Variants in PIK3C2A observed in about 807,000 individuals in gnomAD.
PIK3C2A encodes phosphatidylinositol 4-phosphate 3-kinase C2 domain-containing subunit alpha.
PIK3C2A carries 97 observed loss-of-function variants against 204.5 expected under a neutral mutation model. The ratio of observed to expected loss-of-function variants is 0.47; its 90% confidence interval spans 0.40 to 0.56. PIK3C2A has a LOEUF of 0.56. Among genes scored for constraint, PIK3C2A ranks in the 20% least tolerant of loss-of-function variants. The pLI is 0.00. For missense variants in PIK3C2A, 1,735 were observed against 1,969.2 expected, an observed-to-expected ratio of 0.88 and a Z score of 2.25; for synonymous variants, 653 against 664.4, an observed-to-expected ratio of 0.98 and a Z score of 0.26.
chr11:17,135,675 ATATGTGTGTGTG>A (rs1197316119), intron 9 of PIK3C2A, among the ~76,000 whole-genome samples: 26 of 87,968 alleles, frequency 3.0e-4, no homozygotes, highest in African/African-American at 1.0e-3. Flanking sequence ...GTAATTTCAT[ATATGTGTGTGTG>A]TGTGTGTGTG....
At position 17,123,009 on chromosome 11, in the gene PIK3C2A, G is replaced by C. The variant is rs577662682; in HGVS notation, c.2400-196C>G. ...TGTAGGGTAAATGTATTGAAATGTA[G>C]GGTGGGAACAAAGAGAGGGAGAATT... On this transcript the variant is annotated intron_variant, in intron 13 of 32. Transcript: ENST00000691414. 2.6e-5 allele frequency among the ~76,000 whole-genome samples: 4 copies of C among 152,256 alleles called. No individual in the cohort carries two copies. The East Asian group carries it at 5.8e-4, about 22-fold the overall frequency.
chr11:17,168,637 G>A (rs1851052239), intron 2 of PIK3C2A, 40 bp downstream of exon 2: 2 of 1,263,946 alleles, frequency 1.6e-6, no homozygotes, highest in African/African-American at 1.5e-5. Flanking sequence ...TGAACTCTGT[G>A]TTATACTAAG....
Position 17,088,886 on chromosome 11 carries a change from T to C in PIK3C2A, c.*852A>G, listed in dbSNP as rs924827071. The stretch of plus-strand genomic sequence containing the variant: ...TAAATGTAGGATTTTAATGGAATGA[T>C]AGAATTTATTGTACAATCACATTGG... On this transcript the variant is annotated 3_prime_UTR_variant, in exon 33 of 33. Coordinates refer to ENST00000691414, the MANE Select transcript of PIK3C2A (RefSeq NM_002645.4). 3.9e-5 allele frequency: 6 copies of C among 152,260 alleles called. No homozygotes were observed. Among genetic ancestry groups the C allele is most frequent in the Non-Finnish European group, 7.3e-5 (5 of 68,048 alleles). The allele number at this position is 152,260 out of a possible 1,614,324, so 9.4% of individuals were successfully genotyped here.
chr11:17,110,819 C>CT (rs1227604760), intron 21 of PIK3C2A, among the ~76,000 whole-genome samples: 2 of 152,172 alleles, frequency 1.3e-5, no homozygotes, highest in Non-Finnish European at 1.5e-5. Context: ...GGGAAAGGTA[C>CT]TTAACCTCTT....
intron 18 of PIK3C2A, 38 bp downstream of exon 18, chr11:17,118,607 G>T: frequency 1.1e-6 from 1 of 900,788 alleles, no homozygotes; most frequent in Non-Finnish European, 1.8e-6. Context: ...TAAATTCTAG[G>T]AATGGAAATA....
rs1252140211 is a variant in PIK3C2A at position 17,119,899 on chromosome 11, T to C, written c.2733A>G (p.Lys911=). Residue 911 remains lysine (K), a synonymous_variant, in exon 16 of 33, where the codon AAA becomes AAG. Coordinates refer to ENST00000691414, the MANE Select transcript of PIK3C2A (RefSeq NM_002645.4). ...YCFKHPNCLP[K]ILASAPNWKW... ...TCCAGTTTGGGGCGCTTGCTAATATTTTAGGAAGACAATTTGGGTGTTTGA... is the reference window on the plus strand; with the variant it reads ...TCCAGTTTGGGGCGCTTGCTAATATCTTAGGAAGACAATTTGGGTGTTTGA... The C allele has an allele frequency of 3.1e-6, 5 of 1,611,398 alleles. No homozygotes were observed. In the African/African-American group the frequency reaches 6.7e-5, roughly 22 times the overall value.
intron 12 of PIK3C2A, among the ~76,000 whole-genome samples, chr11:17,131,419 ATTTTTT>A (rs68020564): frequency 1.3e-5 from 1 of 79,466 alleles, no homozygotes. Flanking sequence ...AGGGTATTTC[ATTTTTT>A]TTTTTTTTTT....
chr11:17,145,152 G>T (rs936915637), intron 8 of PIK3C2A, among the ~76,000 whole-genome samples: 2 of 152,108 alleles, frequency 1.3e-5, no homozygotes, highest in East Asian at 3.9e-4. Context: ...GGTTAATGCT[G>T]GAATGAGTTA....
At chr11:17,142,159 T>C (rs1184778097) in intron 8 of PIK3C2A, among the ~76,000 whole-genome samples, 1 of 152,210 alleles carries the variant, frequency 6.6e-6, no homozygotes, top group Non-Finnish European at 1.5e-5. Flanking sequence ...TTCAGTTTTG[T>C]ACATCTTAAA....
chr11:17,183,701 C>T (rs1309333892), intron 1 of PIK3C2A, among the ~76,000 whole-genome samples: 1 of 151,854 alleles, frequency 6.6e-6, no homozygotes, highest in African/African-American at 2.4e-5. Context: ...AAAAAGAAAA[C>T]CACTTTATCG....
intron 1 of PIK3C2A, among the ~76,000 whole-genome samples, chr11:17,194,568 C>T (rs545042157): frequency 1.3e-5 from 2 of 152,322 alleles, no homozygotes; most frequent in East Asian, 3.9e-4. Flanking sequence ...CTTCACCTCT[C>T]TGAGCTTCAA....
chr11:17,150,575 A>G lies in PIK3C2A; in HGVS notation c.1250T>C (p.Ile417Thr), dbSNP rs1850394395. ...LLSPVTAQRNICGENASVKVS... is the reference protein window; with the variant it reads ...LLSPVTAQRNTCGENASVKVS... ...CTTCACACTAGCATTTTCTCCGCATATGTTTCTTTGTGCTGTGACTGGACT... is the reference window on the plus strand; with the variant it reads ...CTTCACACTAGCATTTTCTCCGCATGTGTTTCTTTGTGCTGTGACTGGACT... The change falls in exon 4 of 33, where the codon ATA becomes ACA. Residue 417 changes from isoleucine to threonine, a missense_variant. This residue lies in a region of PIK3C2A where 536 missense variants were observed against 546.7 expected (regional missense o/e 0.98). Transcript: ENST00000691414. The G allele has an allele frequency of 8.1e-6, 13 of 1,612,340 alleles. No homozygotes were observed. The highest frequency in any genetic ancestry group is 1.0e-5 in the Non-Finnish European group (12 of 1,179,080).
At chr11:17,145,804 T>TG (rs1445683677) in intron 7 of PIK3C2A, 59 bp downstream of exon 7, 1 of 1,549,384 alleles carries the variant, frequency 6.5e-7, no homozygotes, top group Non-Finnish European at 8.9e-7. Context: ...CCAAAATAAG[T>TG]GTATTTGCAT....
intron 21 of PIK3C2A, 74 bp from the exon 22 acceptor site, chr11:17,110,635 T>A: frequency 7.2e-7 from 1 of 1,380,960 alleles, no homozygotes; most frequent in Non-Finnish European, 9.8e-7. Context: ...ATGAAAGCTG[T>A]AATCCCAGCA....
At chr11:17,203,428 T>G (rs976765948) in intron 1 of PIK3C2A, among the ~76,000 whole-genome samples, 1 of 151,996 alleles carries the variant, frequency 6.6e-6, no homozygotes, top group Non-Finnish European at 1.5e-5. Flanking sequence ...AACAAAAATA[T>G]GACTCCACTA....
At position 17,102,802 on chromosome 11, in the gene PIK3C2A, A is replaced by C; in HGVS notation, c.3711T>G (p.Ala1237=). The part of the protein sequence containing the change: ...KASENFIYSC[A]GCCVATYVLG... ...AAACATAGGTGGCTACACAGCATCCAGCACAGGAATAGATAAAGTTCTCTG... is the reference window on the plus strand; with the variant it reads ...AAACATAGGTGGCTACACAGCATCCCGCACAGGAATAGATAAAGTTCTCTG... The change falls in exon 24 of 33, where the codon GCT becomes GCG. Residue 1237 remains alanine, a synonymous_variant. Coordinates refer to ENST00000691414, the MANE Select transcript of PIK3C2A (RefSeq NM_002645.4). The C allele has an allele frequency of 6.2e-7, 1 of 1,610,020 alleles. No homozygotes were observed.
intron 12 of PIK3C2A, among the ~76,000 whole-genome samples, chr11:17,130,945 G>T (rs961375015): frequency 6.6e-6 from 1 of 151,846 alleles, no homozygotes. Flanking sequence ...CCAGCACTTT[G>T]GGAGGCCGAG....
intron 1 of PIK3C2A, among the ~76,000 whole-genome samples, chr11:17,197,154 G>A (rs1377913840): frequency 6.6e-6 from 1 of 152,016 alleles, no homozygotes; most frequent in African/African-American, 2.4e-5. Flanking sequence ...CTGAGTAGCT[G>A]GGATTATAGG....
chr11:17,175,700 GTAAT>G (rs947759760), intron 1 of PIK3C2A, among the ~76,000 whole-genome samples: 3 of 152,098 alleles, frequency 2.0e-5, no homozygotes, highest in African/African-American at 7.2e-5. Context: ...TCAAAAGTGG[GTAAT>G]TAAACTATTT....
Sources: allele counts gnomAD v4.1 joint callset (sites outside exome capture counted in the v4.1 genomes callset), GRCh38; gene constraint gnomAD v4.1.1; regional missense constraint gnomAD v4.1.1; transcripts MANE v1.5; gene names NCBI Gene and HGNC (gene_info 2026-07-23, HGNC 2026-07-21).